RNF217: variants seen among roughly 807,000 people sequenced by gnomAD.
RNF217 encodes the protein E3 ubiquitin-protein ligase RNF217.
Under a neutral mutation model 57.8 loss-of-function variants are expected in RNF217, and 31 were observed. The ratio of observed to expected loss-of-function variants is 0.54; its 90% confidence interval spans 0.40 to 0.72. The LOEUF (loss-of-function observed/expected upper bound fraction) is 0.72, where lower values mean the gene tolerates loss of function less well. Ranked by LOEUF, RNF217 falls within the 30% of genes least tolerant of loss-of-function variation. The pLI, the probability that RNF217 is intolerant of heterozygous loss-of-function variation, is 0.00. For synonymous variants in RNF217, 313 were observed against 294.0 expected (o/e 1.06, Z -0.66); for missense variants, 696 against 708.3 (o/e 0.98, Z 0.20).
At chr6:124,965,558 G>A (rs1230564678) in intron 1 of RNF217, among the ~76,000 whole-genome samples, 2 of 152,038 alleles carry the variant, frequency 1.3e-5, no homozygotes, top group East Asian at 3.9e-4. Flanking sequence ...GGGCAACAGA[G>A]TGAGACTCCT....
chr6:125,010,664 A>G (rs1359469058), intron 1 of RNF217, among the ~76,000 whole-genome samples: 1 of 152,204 alleles, frequency 6.6e-6, no homozygotes, highest in East Asian at 1.9e-4. Context: ...CTAATAAACT[A>G]CCTATTCTAC....
chr6:125,005,726 G>A (rs1394795466), intron 1 of RNF217, among the ~76,000 whole-genome samples: 1 of 152,136 alleles, frequency 6.6e-6, no homozygotes, highest in African/African-American at 2.4e-5. Context: ...ATTTCATGTG[G>A]TTATTTATTC....
chr6:124,983,484 C>T lies in RNF217; in HGVS notation c.882+20058C>T, dbSNP rs1321812898. ...TTAGTGGATTTATGTCCTCACTTGTCACTAATGAAAAGGACCTTACAGGTT... is the reference window on the plus strand; with the variant it reads ...TTAGTGGATTTATGTCCTCACTTGTTACTAATGAAAAGGACCTTACAGGTT... On this transcript the variant is annotated intron_variant, in intron 1 of 5. Coordinates refer to ENST00000521654, the MANE Select transcript of RNF217 (RefSeq NM_001286398.3). The T allele has an allele frequency of 3.0e-6, 3 of 984,332 alleles. No homozygotes were observed. The African/African-American group carries it at 5.2e-5, about 17-fold the overall frequency. The allele number at this position is 984,332 out of a possible 1,614,324, so 61.0% of individuals were successfully genotyped here.
chr6:124,983,760 T>C (rs1784262967), intron 1 of RNF217, among the ~76,000 whole-genome samples: 1 of 152,218 alleles, frequency 6.6e-6, no homozygotes, highest in African/African-American at 2.4e-5. Context: ...GTAATAACTA[T>C]AAGACTCTTG....
intron 3 of RNF217, 34 bp downstream of exon 3, chr6:125,058,140 T>C (rs1787592723): frequency 1.3e-6 from 2 of 1,582,178 alleles, no homozygotes; most frequent in South Asian, 1.2e-5. Context: ...AGAAAAAACA[T>C]GTACATCTGG....
In RNF217 at chr6:125,008,133, A is replaced by G. The variant is rs1163556571; in HGVS notation, c.883-37078A>G. On this transcript the variant is annotated intron_variant, in intron 1 of 5. Transcript: ENST00000521654. ...TAGCTGGGCCTGGTGGCAGGCACCT[A>G]TAGTCCCAGCTACTTGGGAGGCTGA... Among the ~76,000 whole-genome samples the G allele has an allele frequency of 5.9e-5, 9 of 151,912 alleles. No individual in the cohort carries two copies. In the East Asian group the frequency reaches 1.4e-3, roughly 23 times the overall value.
At chr6:125,062,192 A>G (rs1194596052) in intron 3 of RNF217, among the ~76,000 whole-genome samples, 5 of 152,112 alleles carry the variant, frequency 3.3e-5, no homozygotes, top group African/African-American at 1.2e-4. Flanking sequence ...TCATTATTTT[A>G]ATTAGTATTC....
chr6:124,994,321 C>T (rs763442757), intron 1 of RNF217, among the ~76,000 whole-genome samples: 5 of 152,148 alleles, frequency 3.3e-5, no homozygotes, highest in Non-Finnish European at 5.9e-5. Flanking sequence ...TATTTTGAAG[C>T]AAAATCCTGA....
chr6:124,986,035 T>C (rs1326111589), intron 1 of RNF217, among the ~76,000 whole-genome samples: 3 of 152,184 alleles, frequency 2.0e-5, no homozygotes, highest in Non-Finnish European at 1.5e-5. Context: ...GGAGGTGATA[T>C]AGGTCATGAA....
intron 1 of RNF217, among the ~76,000 whole-genome samples, chr6:124,984,760 G>C (rs1288699764): frequency 6.6e-6 from 1 of 151,932 alleles, no homozygotes; most frequent in Non-Finnish European, 1.5e-5. Flanking sequence ...TATAACCTTA[G>C]TATGGAAAAA....
At chr6:125,031,312 G>A (rs1415742286) in intron 1 of RNF217, among the ~76,000 whole-genome samples, 1 of 152,220 alleles carries the variant, frequency 6.6e-6, no homozygotes, top group Non-Finnish European at 1.5e-5. Context: ...TAGGCTTCTT[G>A]CTGTGTATGT....
rs867598264 is a variant in RNF217 at position 125,088,952 on chromosome 6, T to G, written c.*6015T>G. 2 of 152,650 alleles carry G rather than the reference T, an allele frequency of 1.3e-5. No individual in the cohort carries two copies. Among genetic ancestry groups the G allele is most frequent in the Non-Finnish European group, 2.9e-5 (2 of 68,034 alleles). 9.5% of individuals were successfully genotyped at this position (152,650 alleles called of 1,614,324 possible). A position where few individuals can be genotyped will look rare whatever the true frequency, so the allele number is the denominator to read the frequency against. ...ATCTTGATTTTTGCCTCTGCAGTCTTCTTCCCATCTTGGCCAAGTGTGGGA... is the reference window on the plus strand; with the variant it reads ...ATCTTGATTTTTGCCTCTGCAGTCTGCTTCCCATCTTGGCCAAGTGTGGGA... On this transcript the variant is annotated 3_prime_UTR_variant, in exon 6 of 6. Transcript: ENST00000521654.
chr6:124,967,821 C>T (rs1783605675), intron 1 of RNF217, among the ~76,000 whole-genome samples: 3 of 152,204 alleles, frequency 2.0e-5, no homozygotes, highest in South Asian at 4.2e-4. Context: ...TCTTGTCGCC[C>T]AGGCTGGAGT....
chr6:125,030,034 G>A lies in RNF217; in HGVS notation c.883-15177G>A, dbSNP rs568195386. ...GGAGGCCTCAGAATCATGGCGGGAGGTGAAAGGCATTTCTTACATGGCAGC... is the reference window on the plus strand; with the variant it reads ...GGAGGCCTCAGAATCATGGCGGGAGATGAAAGGCATTTCTTACATGGCAGC... On this transcript the variant is annotated intron_variant, in intron 1 of 5. Coordinates refer to ENST00000521654, the MANE Select transcript of RNF217 (RefSeq NM_001286398.3). Among the ~76,000 whole-genome samples the A allele has an allele frequency of 1.6e-3, 249 of 152,250 alleles. 2 individuals carry two copies. The highest frequency in any genetic ancestry group is 3.1e-3 in the South Asian group (15 of 4,818).
chr6:125,064,702 A>G (rs1265165691), intron 3 of RNF217, among the ~76,000 whole-genome samples: 1 of 152,152 alleles, frequency 6.6e-6, no homozygotes, highest in African/African-American at 2.4e-5. Context: ...AATGTTATCA[A>G]TACCTATCCT....
chr6:125,067,327 A>T (rs1443135241), intron 3 of RNF217, among the ~76,000 whole-genome samples: 1 of 152,188 alleles, frequency 6.6e-6, no homozygotes, highest in Admixed American at 6.5e-5. Context: ...TGAAAAATAA[A>T]AGCAGGAGAG....
intron 1 of RNF217, among the ~76,000 whole-genome samples, chr6:125,014,037 C>T (rs891657845): frequency 6.6e-6 from 1 of 152,168 alleles, no homozygotes; most frequent in Non-Finnish European, 1.5e-5. Flanking sequence ...CTGTTGTTCT[C>T]TGAATGGGAA....
At chr6:124,996,161 T>A (rs1373189662) in intron 1 of RNF217, among the ~76,000 whole-genome samples, 3 of 152,148 alleles carry the variant, frequency 2.0e-5, no homozygotes, top group Non-Finnish European at 4.4e-5. Flanking sequence ...TTCCCATTGC[T>A]CCATAACCTC....
chr6:125,013,366 T>C (rs1317325908), intron 1 of RNF217, among the ~76,000 whole-genome samples: 1 of 151,188 alleles, frequency 6.6e-6, no homozygotes, highest in Non-Finnish European at 1.5e-5. Context: ...TGTGTGTGTG[T>C]GTGTGTGTGT....
Sources: allele counts gnomAD v4.1 joint callset (sites outside exome capture counted in the v4.1 genomes callset), GRCh38; gene constraint gnomAD v4.1.1; transcripts MANE v1.5; gene names NCBI Gene and HGNC (gene_info 2026-07-23, HGNC 2026-07-21).